NCALD: variants seen among roughly 807,000 people sequenced by gnomAD.
NCALD encodes neurocalcin delta.
A neutral mutation model predicts 18.6 loss-of-function variants in NCALD; 10 were observed. The observed-to-expected ratio is 0.54, with a 90% CI of 0.33 to 0.91. The LOEUF (loss-of-function observed/expected upper bound fraction) is 0.91, where lower values mean the gene tolerates loss of function less well. Among genes scored for constraint, NCALD ranks in the 40% least tolerant of loss-of-function variants. The probability of loss-of-function intolerance (pLI) is 0.03; values close to 1 mark genes in which losing one functional copy is unlikely to be tolerated. For synonymous variants in NCALD, 88 were observed against 87.4 expected (o/e 1.01, Z -0.04); for missense variants, 184 against 247.6 (o/e 0.74, Z 1.72).
intron 1 of NCALD, among the ~76,000 whole-genome samples, chr8:101,751,746 G>A (rs1242890917): frequency 6.6e-6 from 1 of 152,122 alleles, no homozygotes; most frequent in Non-Finnish European, 1.5e-5. Context: ...TAGTCCTACT[G>A]AAAAATAATG....
chr8:102,030,157 AT>A (rs1210059354), intron 1 of NCALD, among the ~76,000 whole-genome samples: 1 of 152,236 alleles, frequency 6.6e-6, no homozygotes, highest in Admixed American at 6.5e-5. Context: ...AGCCAGCAAT[AT>A]TTGTAAACAG....
intron 2 of NCALD, among the ~76,000 whole-genome samples, chr8:101,997,526 G>A (rs1171116333): frequency 6.6e-6 from 1 of 152,122 alleles, no homozygotes; most frequent in Non-Finnish European, 1.5e-5. Flanking sequence ...TTAAAGACTT[G>A]ATGCAAAGTA....
intron 4 of NCALD, among the ~76,000 whole-genome samples, chr8:101,833,922 C>T (rs1356928047): frequency 6.6e-6 from 1 of 152,214 alleles, no homozygotes; most frequent in East Asian, 1.9e-4. Context: ...AAGGCCAATG[C>T]TCAGCTTTCC....
At chr8:101,885,678 A>G (rs1816651293) in intron 4 of NCALD, among the ~76,000 whole-genome samples, 3 of 152,208 alleles carry the variant, frequency 2.0e-5, no homozygotes, top group Admixed American at 2.0e-4. Context: ...AGCTCACTCT[A>G]GCAAGGAATT....
intron 2 of NCALD, among the ~76,000 whole-genome samples, chr8:101,966,645 A>T (rs539518601): frequency 1.3e-4 from 20 of 151,528 alleles, no homozygotes; most frequent in African/African-American, 3.2e-4. Flanking sequence ...TAATAAAATT[A>T]AAAAAAAAGA....
intron 4 of NCALD, among the ~76,000 whole-genome samples, chr8:101,828,922 T>C (rs1246501084): frequency 9.3e-6 from 1 of 107,772 alleles, no homozygotes; most frequent in Admixed American, 1.1e-4. Context: ...GTAGTATGGG[T>C]GGGTAGGTGG....
intron 2 of NCALD, among the ~76,000 whole-genome samples, chr8:101,937,720 G>A (rs111318897): frequency 2.0e-5 from 3 of 152,132 alleles, no homozygotes; most frequent in Admixed American, 6.5e-5. Context: ...GATTGCTGGC[G>A]ATGGGCTAGG....
chr8:102,097,527 G>A (rs1056999273), intron 1 of NCALD, among the ~76,000 whole-genome samples: 41 of 152,116 alleles, frequency 2.7e-4, no homozygotes, highest in African/African-American at 8.2e-4. Flanking sequence ...ATCCCTTCCC[G>A]GTGAGACATG....
intron 1 of NCALD, among the ~76,000 whole-genome samples, chr8:101,770,530 G>A (rs551538841): frequency 1.3e-5 from 2 of 152,146 alleles, no homozygotes; most frequent in African/African-American, 4.8e-5. Context: ...CTCCTGGGGG[G>A]GCTTCCTGCA....
At chr8:101,844,660 C>G (rs1267705806) in intron 4 of NCALD, among the ~76,000 whole-genome samples, 1 of 152,062 alleles carries the variant, frequency 6.6e-6, no homozygotes, top group Non-Finnish European at 1.5e-5. Context: ...TGCACCTGAC[C>G]CTCTAAATTC....
At chr8:102,097,829 T>G (rs1825153012) in intron 1 of NCALD, among the ~76,000 whole-genome samples, 1 of 152,202 alleles carries the variant, frequency 6.6e-6, no homozygotes, top group Non-Finnish European at 1.5e-5. Context: ...TAATTTTAAA[T>G]GATGACATGA....
At chr8:101,946,728 AC>A in intron 2 of NCALD, among the ~76,000 whole-genome samples, 1 of 150,202 alleles carries the variant, frequency 6.7e-6, no homozygotes, top group East Asian at 2.0e-4. Context: ...CCAGCAGTTT[AC>A]AAATGAATAA....
chr8:101,892,056 G>A (rs1257265300), intron 3 of NCALD, among the ~76,000 whole-genome samples: 1 of 152,002 alleles, frequency 6.6e-6, no homozygotes, highest in Non-Finnish European at 1.5e-5. Context: ...CACCTCTGGG[G>A]GCAGGGCACA....
intron 4 of NCALD, among the ~76,000 whole-genome samples, chr8:101,796,527 A>T (rs889960638): frequency 1.6e-4 from 25 of 152,360 alleles, no homozygotes; most frequent in Non-Finnish European, 2.8e-4. Context: ...TCACTAAAAA[A>T]TACAATGGAA....
intron 4 of NCALD, among the ~76,000 whole-genome samples, chr8:101,816,284 T>C (rs946803910): frequency 6.6e-6 from 1 of 152,112 alleles, no homozygotes; most frequent in Non-Finnish European, 1.5e-5. Context: ...TATAAAACAG[T>C]ATGCAAGAAG....
At chr8:102,088,834 T>G (rs1050309042) in intron 1 of NCALD, among the ~76,000 whole-genome samples, 1 of 152,248 alleles carries the variant, frequency 6.6e-6, no homozygotes. Context: ...TGTTTTGCAT[T>G]GCATTATCTG....
At chr8:102,120,612 A>C (rs566098611) in intron 1 of NCALD, among the ~76,000 whole-genome samples, 2 of 152,238 alleles carry the variant, frequency 1.3e-5, no homozygotes, top group Non-Finnish European at 2.9e-5. Flanking sequence ...TTGAGGCCTG[A>C]ATCAGGCCAT....
chr8:101,853,531 T>C (rs561000), intron 4 of NCALD, among the ~76,000 whole-genome samples: 58,682 of 152,116 alleles, frequency 0.39, 13,865 homozygotes, highest in African/African-American at 0.66. Context: ...TATTTCTTTC[T>C]GGTGTTAATA....
chr8:101,767,841 C>T (rs1188099187), intron 1 of NCALD, among the ~76,000 whole-genome samples: 1 of 152,208 alleles, frequency 6.6e-6, no homozygotes, highest in African/African-American at 2.4e-5. Flanking sequence ...CTTTCTCTGC[C>T]CTGCTTGTGG....
Sources: allele counts gnomAD v4.1 joint callset (sites outside exome capture counted in the v4.1 genomes callset), GRCh38; gene constraint gnomAD v4.1.1; transcripts MANE v1.5; gene names NCBI Gene and HGNC (gene_info 2026-07-23, HGNC 2026-07-21).